Variants in TMCC3 observed in about 807,000 individuals in gnomAD.
The protein encoded by TMCC3 is transmembrane and coiled-coil domain family 3, also known as transmembrane and coiled-coil domain protein 3.
Under a neutral mutation model 40.2 loss-of-function variants are expected in TMCC3, and 28 were observed. The ratio of observed to expected loss-of-function variants is 0.70; its 90% CI spans 0.52 to 0.95. TMCC3 has a LOEUF of 0.95. Among genes scored for constraint, TMCC3 ranks in the 40% least tolerant of loss-of-function variants. The pLI, the probability that TMCC3 is intolerant of heterozygous loss-of-function variation, is 0.00. For synonymous variants in TMCC3, 255 were observed against 248.5 expected (o/e 1.03, Z -0.25); for missense variants, 554 against 615.2 (o/e 0.90, Z 1.05).
At chr12:94,643,526 G>T (rs970637300) in intron 1 of TMCC3, among the ~76,000 whole-genome samples, 7 of 152,176 alleles carry the variant, frequency 4.6e-5, no homozygotes, top group Non-Finnish European at 7.3e-5. Flanking sequence ...GTTCTTTAAT[G>T]ATCTTAAATC....
chr12:94,626,854 ATTGT>A (rs757102153), intron 1 of TMCC3, among the ~76,000 whole-genome samples: 94 of 151,986 alleles, frequency 6.2e-4, no homozygotes, highest in Middle Eastern at 3.4e-3. Flanking sequence ...TGTTGTTGTT[ATTGT>A]TTGTTTGTTT....
At chr12:94,635,750 A>G (rs1019808538) in intron 1 of TMCC3, among the ~76,000 whole-genome samples, 1 of 145,740 alleles carries the variant, frequency 6.9e-6, no homozygotes, top group African/African-American at 2.5e-5. Context: ...GCTCACTGCA[A>G]CCTCCGCCTC....
intron 1 of TMCC3, among the ~76,000 whole-genome samples, chr12:94,646,399 T>G (rs1195800232): frequency 1.3e-5 from 2 of 151,988 alleles, no homozygotes; most frequent in East Asian, 3.8e-4. Context: ...TAAAAAAATT[T>G]TTTTAAATAG....
chr12:94,647,517 A>G (rs956962036), intron 1 of TMCC3, among the ~76,000 whole-genome samples: 2 of 152,230 alleles, frequency 1.3e-5, no homozygotes, highest in Non-Finnish European at 2.9e-5. Context: ...CAGAAACTCC[A>G]TATCCCTGAA....
Position 94,581,627 on chromosome 12 carries a change from T to A in TMCC3, c.990A>T (p.Arg330Ser). Reference protein sequence around the residue: ...GFISQTLQEERYRYERLEDQL... With the variant: ...GFISQTLQEESYRYERLEDQL... ...AATGGAATACTTTGAAATACCTGTA[T>A]CTTTCCTCTTGCAGGGTCTGAGAAA... The change falls in exon 2 of 4, where the codon AGA becomes AGT. Residue 330 changes from arginine to serine, a missense_variant. Coordinates refer to ENST00000261226, the MANE Select transcript of TMCC3 (RefSeq NM_020698.4). 1 of 1,514,224 alleles carries A rather than the reference T, an allele frequency of 6.6e-7. No homozygotes were observed. The highest frequency in any genetic ancestry group is 8.9e-7 in the Non-Finnish European group (1 of 1,124,246). 93.8% of individuals were successfully genotyped at this position (1,514,224 alleles called of 1,614,324 possible).
intron 1 of TMCC3, among the ~76,000 whole-genome samples, chr12:94,613,103 T>TACAC (rs61688830): frequency 0.016 from 2,346 of 149,038 alleles, 20 homozygotes; most frequent in African/African-American, 0.026. Flanking sequence ...ATAAAATGGA[T>TACAC]ACACACACAC....
rs2068510425 is a variant in TMCC3 at position 94,568,914 on chromosome 12, A to C, written c.*2521T>G. The C allele has an allele frequency of 6.6e-6, 1 of 152,244 alleles. No individual in the cohort carries two copies. Among genetic ancestry groups the C allele is most frequent in the Admixed American group, 6.5e-5 (1 of 15,290 alleles). The allele number at this position is 152,244 out of a possible 1,614,324, so 9.4% of individuals were successfully genotyped here. On this transcript the variant is annotated 3_prime_UTR_variant, in exon 4 of 4. Coordinates refer to ENST00000261226, the MANE Select transcript of TMCC3 (RefSeq NM_020698.4). ...GTATGTTAGAATAAAGCTAGTTTCTAGCAGATTCTGTTAACAGCTCCAGAC... is the reference window on the plus strand; with the variant it reads ...GTATGTTAGAATAAAGCTAGTTTCTCGCAGATTCTGTTAACAGCTCCAGAC...
intron 1 of TMCC3, among the ~76,000 whole-genome samples, chr12:94,609,551 T>C (rs2068802874): frequency 1.3e-5 from 2 of 152,200 alleles, no homozygotes; most frequent in African/African-American, 4.8e-5. Context: ...ATTAACAGTC[T>C]CTTGAACACA....
chr12:94,639,622 T>A (rs1313452161), intron 1 of TMCC3, among the ~76,000 whole-genome samples: 7 of 149,836 alleles, frequency 4.7e-5, no homozygotes, highest in Non-Finnish European at 8.9e-5. Flanking sequence ...GTACCTCATT[T>A]GGTATACAAG....
chr12:94,621,350 G>A (rs949705941), intron 1 of TMCC3, among the ~76,000 whole-genome samples: 1 of 152,208 alleles, frequency 6.6e-6, no homozygotes. Flanking sequence ...AGCCTTTGGG[G>A]CTGGTGTTTC....
chr12:94,598,574 T>G, intron 1 of TMCC3: 1 of 985,340 alleles, frequency 1.0e-6, no homozygotes, highest in Non-Finnish European at 1.2e-6. Context: ...TAAAAAAATG[T>G]GGGTTACTTC....
chr12:94,646,755 A>ATTTT (rs1445489883), intron 1 of TMCC3, among the ~76,000 whole-genome samples: 224 of 40,564 alleles, frequency 5.5e-3, no homozygotes, highest in African/African-American at 0.013. Flanking sequence ...TTTTTTTTTA[A>ATTTT]AAAACAAATA....
intron 1 of TMCC3, among the ~76,000 whole-genome samples, chr12:94,649,569 C>A (rs1435185267): frequency 6.6e-6 from 1 of 152,242 alleles, no homozygotes; most frequent in Non-Finnish European, 1.5e-5. Flanking sequence ...GCCTCACATC[C>A]AGCCTCGACG....
rs769442997 is a variant in TMCC3 at position 94,578,430 on chromosome 12, C to T, written c.1095G>A (p.Val365=). 4.3e-6 allele frequency: 7 copies of T among 1,614,086 alleles called. No individual in the cohort carries two copies. In the Admixed American group the frequency reaches 6.7e-5, roughly 15 times the overall value. ...KQELASIEEK[V]AYQAYERSRD... is the part of the protein sequence containing the mutation. ...GCGAGCGCTCGTAGGCCTGGTAGGC[C>T]ACCTTCTCCTCAATGCTGGCCAGCT... The change falls in exon 3 of 4, where the codon GTG becomes GTA. Residue 365 remains valine (V), a synonymous_variant. Transcript: ENST00000261226.
intron 3 of TMCC3, among the ~76,000 whole-genome samples, chr12:94,573,604 G>C: frequency 6.6e-6 from 1 of 151,986 alleles, no homozygotes; most frequent in East Asian, 1.9e-4. Context: ...TAAGAGACAG[G>C]GTCTCACTCT....
rs1221487594 is a variant in TMCC3 at position 94,581,728 on chromosome 12, T to G, written c.889A>C (p.Ile297Leu). Residue 297 changes from isoleucine (I) to leucine (L), a missense_variant, in exon 2 of 4, where the codon ATC (isoleucine) becomes CTC (leucine). By Grantham distance (5) the Ile-to-Leu change is conservative. Coordinates refer to ENST00000261226, the MANE Select transcript of TMCC3 (RefSeq NM_020698.4). ...LAVILEELRE[I>L]KDTQAQLAED... Reference sequence around the variant, plus strand: ...GCCAGCTGAGCTTGGGTATCCTTGATCTCCCTCAGTTCCTCCAGGATCACG... The same window carrying G: ...GCCAGCTGAGCTTGGGTATCCTTGAGCTCCCTCAGTTCCTCCAGGATCACG... 6.2e-7 allele frequency: 1 copy of G among 1,614,214 alleles called. No homozygotes were observed. The highest frequency in any genetic ancestry group is 1.7e-5 in the Admixed American group (1 of 60,026).
chr12:94,639,974 C>T (rs1331591709), intron 1 of TMCC3, among the ~76,000 whole-genome samples: 4 of 152,034 alleles, frequency 2.6e-5, no homozygotes, highest in Non-Finnish European at 4.4e-5. Context: ...CATGAAGGAA[C>T]GAAAGGAGAT....
chr12:94,594,288 AC>A (rs1325527355), intron 1 of TMCC3, among the ~76,000 whole-genome samples: 4 of 151,072 alleles, frequency 2.6e-5, no homozygotes, highest in Non-Finnish European at 5.9e-5. Flanking sequence ...GTGCAGTGAT[AC>A]CATCACTAGC....
At chr12:94,630,589 G>C (rs2625936) in intron 1 of TMCC3, among the ~76,000 whole-genome samples, 119,423 of 152,108 alleles carry the variant, frequency 0.79, 48,266 homozygotes, top group Non-Finnish European at 0.89. Flanking sequence ...TTTTAACCCA[G>C]GTGGAGCCTT....
Sources: allele counts gnomAD v4.1 joint callset (sites outside exome capture counted in the v4.1 genomes callset), GRCh38; gene constraint gnomAD v4.1.1; transcripts MANE v1.5; gene names NCBI Gene and HGNC (gene_info 2026-07-23, HGNC 2026-07-21).